The following BCL2L13 variants were observed in gnomAD, a reference collection of about 807,000 sequenced individuals.
The protein encoded by BCL2L13 is BCL2 like 13.
In BCL2L13, 13 loss-of-function variants were observed where a neutral mutation model predicts 25.8. That is an observed-to-expected ratio of 0.50 (90% CI 0.33 to 0.80). The LOEUF is 0.80. BCL2L13 is among the 30% of genes least tolerant of loss of function. BCL2L13 has a pLI of 0.02. For synonymous variants in BCL2L13, 244 were observed against 230.3 expected (o/e 1.06, Z -0.54); for missense variants, 504 against 574.9 (o/e 0.88, Z 1.26).
At chr22:17,650,291 C>G (rs945751962) in intron 1 of BCL2L13, among the ~76,000 whole-genome samples, 1 of 152,132 alleles carries the variant, frequency 6.6e-6, no homozygotes, top group Non-Finnish European at 1.5e-5. Context: ...TTCTTTCTAC[C>G]TTTCTGTTTC....
At chr22:17,710,096 G>T (rs917398578) in intron 6 of BCL2L13, among the ~76,000 whole-genome samples, 9 of 132,328 alleles carry the variant, frequency 6.8e-5, no homozygotes, top group Admixed American at 2.4e-4. Flanking sequence ...AAAAAAAGAG[G>T]CTGCTATTTT....
chr22:17,723,927 G>A (rs1296527116), intron 6 of BCL2L13, among the ~76,000 whole-genome samples: 7 of 137,330 alleles, frequency 5.1e-5, no homozygotes, highest in South Asian at 2.2e-4. Context: ...GTGAGACTCC[G>A]TCTCAAAAAA....
intron 1 of BCL2L13, among the ~76,000 whole-genome samples, chr22:17,631,662 GTGTGTGTGTATATATATA>G (rs1212109174): frequency 0.034 from 1,077 of 32,096 alleles, 70 homozygotes; most frequent in African/African-American, 0.038. Context: ...GTATGTATGT[GTGTGTGTGTATATATATA>G]TATATATATA....
intron 1 of BCL2L13, among the ~76,000 whole-genome samples, chr22:17,639,360 C>G (rs1208418813): frequency 6.6e-6 from 1 of 152,220 alleles, no homozygotes; most frequent in Admixed American, 6.5e-5. Flanking sequence ...GTTTCTTAAC[C>G]TTAATTCACT....
At chr22:17,714,845 C>T (rs1490094947) in intron 6 of BCL2L13, among the ~76,000 whole-genome samples, 5 of 151,710 alleles carry the variant, frequency 3.3e-5, no homozygotes, top group Non-Finnish European at 7.4e-5. Flanking sequence ...TTATGGTACA[C>T]GTTATGTTGC....
intron 1 of BCL2L13, among the ~76,000 whole-genome samples, chr22:17,643,680 T>C (rs1263772697): frequency 6.6e-6 from 1 of 152,132 alleles, no homozygotes; most frequent in Non-Finnish European, 1.5e-5. Flanking sequence ...CAGACTGGAG[T>C]GCAGTGGTGC....
chr22:17,728,709 G>C lies in BCL2L13; in HGVS notation c.*1175G>C, dbSNP rs2061355348. 6.6e-6 allele frequency: 1 copy of C among 152,214 alleles called. No homozygotes were observed. The allele number at this position is 152,214 out of a possible 1,614,324, so 9.4% of individuals were successfully genotyped here. ...GTCCTAAATATCACTGAAATAAAAA[G>C]TAGGAAAAAGAAGCTTGAATTTTAA... On this transcript the variant is annotated 3_prime_UTR_variant, in exon 7 of 7. Coordinates refer to ENST00000317582, the MANE Select transcript of BCL2L13 (RefSeq NM_015367.4).
chr22:17,711,304 C>CTTTTTTTTTTTTTTTTTTTTTT lies in BCL2L13; in HGVS notation c.600+8929_600+8930insTTTTTTTTTTTTTTTTTTTTTT, dbSNP rs765639315. On this transcript the variant is annotated intron_variant, in intron 6 of 6. Transcript: ENST00000317582. ...TTTCCCTTATTTCTTCATGATGGGCCTTTTTTTTTTTGAGACAGGGTTTCA... is the reference window on the plus strand; with the variant it reads ...TTTCCCTTATTTCTTCATGATGGGCCTTTTTTTTTTTTTTTTTTTTTTTTTTTTTTTTTGAGACAGGGTTTCA... Among the ~76,000 whole-genome samples the CTTTTTTTTTTTTTTTTTTTTTT allele has an allele frequency of 2.2e-4, 27 of 125,370 alleles. 1 individual carries two copies. Among genetic ancestry groups the CTTTTTTTTTTTTTTTTTTTTTT allele is most frequent in the Non-Finnish European group, 3.0e-4 (18 of 59,362 alleles). 82.2% of individuals were successfully genotyped at this position (125,370 alleles called of 152,430 possible).
chr22:17,647,405 G>A (rs1047735066), intron 1 of BCL2L13, among the ~76,000 whole-genome samples: 5 of 152,038 alleles, frequency 3.3e-5, no homozygotes, highest in African/African-American at 9.7e-5. Flanking sequence ...ATGGTCCCGC[G>A]TCATAATTAC....
chr22:17,713,049 A>C (rs187588500), intron 6 of BCL2L13, among the ~76,000 whole-genome samples: 1 of 152,316 alleles, frequency 6.6e-6, no homozygotes, highest in African/African-American at 2.4e-5. Flanking sequence ...CAGCAGAATT[A>C]TACCCTTTTA....
chr22:17,668,597 G>T (rs1273986867), intron 2 of BCL2L13, among the ~76,000 whole-genome samples: 1 of 151,984 alleles, frequency 6.6e-6, no homozygotes, highest in Non-Finnish European at 1.5e-5. Context: ...GGGATTACAG[G>T]CATGCACCAC....
chr22:17,702,389 A>G lies in BCL2L13; in HGVS notation c.600+3A>G, dbSNP rs2060464480. 1 of 1,563,858 alleles carries G rather than the reference A, an allele frequency of 6.4e-7. No homozygotes were observed. Among genetic ancestry groups the G allele is most frequent in the Non-Finnish European group, 8.6e-7 (1 of 1,162,326 alleles). ...ACATCATTCAGCAAGGTGGCTGGGTATGAGCTGTTATATATTAAAAATATT... is the reference window on the plus strand; with the variant it reads ...ACATCATTCAGCAAGGTGGCTGGGTGTGAGCTGTTATATATTAAAAATATT... On this transcript the variant is annotated splice_donor_region_variant and intron_variant, in intron 6 of 6. Coordinates refer to ENST00000317582, the MANE Select transcript of BCL2L13 (RefSeq NM_015367.4).
At chr22:17,658,507 A>G (rs1487173190) in intron 2 of BCL2L13, among the ~76,000 whole-genome samples, 2 of 151,976 alleles carry the variant, frequency 1.3e-5, no homozygotes, top group East Asian at 3.9e-4. Context: ...ATTCTGGCCA[A>G]CATGATGAAA....
At chr22:17,703,614 G>GT (rs1214810294) in intron 6 of BCL2L13, 1 of 152,102 alleles carries the variant, frequency 6.6e-6, no homozygotes, top group Non-Finnish European at 1.5e-5. Context: ...GCATCTGAGG[G>GT]TTTGAGTTAA....
intron 1 of BCL2L13, among the ~76,000 whole-genome samples, chr22:17,649,944 C>G (rs1601509533): frequency 6.9e-6 from 1 of 145,108 alleles, no homozygotes; most frequent in African/African-American, 2.6e-5. Context: ...AATCTTGGCC[C>G]ACTGCAGCCT....
At chr22:17,695,042 T>A (rs375441380) in intron 4 of BCL2L13, among the ~76,000 whole-genome samples, 1 of 136,820 alleles carries the variant, frequency 7.3e-6, no homozygotes, top group Non-Finnish European at 1.5e-5. Flanking sequence ...TGTGGCCACG[T>A]AGCAATGCGA....
intron 6 of BCL2L13, among the ~76,000 whole-genome samples, chr22:17,710,067 T>TAAAAAAAAAA (rs71201876): frequency 3.3e-5 from 3 of 91,788 alleles, no homozygotes; most frequent in Admixed American, 1.4e-4. Flanking sequence ...GACCTTGTCT[T>TAAAAAAAAAA]AAAAAAAAAA....
At chr22:17,633,956 C>T (rs934070088), upstream of BCL2L13, among the ~76,000 whole-genome samples, 1 of 151,990 alleles carries the variant, frequency 6.6e-6, no homozygotes, top group Non-Finnish European at 1.5e-5. Context: ...CATTACCCCT[C>T]CTCCCTTTGC....
intron 6 of BCL2L13, among the ~76,000 whole-genome samples, chr22:17,707,149 A>G (rs2060616463): frequency 1.3e-5 from 2 of 150,242 alleles, no homozygotes; most frequent in South Asian, 4.2e-4. Context: ...TTGCAGCTAA[A>G]ATCAATTTAG....
Sources: gnomAD v4.1 joint callset for allele counts (sites outside exome capture counted in the v4.1 genomes callset) on GRCh38, gnomAD v4.1.1 for gene constraint, MANE v1.5 for transcripts, NCBI Gene and HGNC (gene_info 2026-07-23, HGNC 2026-07-21) for gene names.